The following ZBTB7C variants were observed in gnomAD, a reference collection of about 807,000 sequenced individuals.
ZBTB7C encodes the protein zinc finger and BTB domain-containing protein 7C.
ZBTB7C carries 8 observed loss-of-function variants against 25.7 expected under a neutral mutation model. The observed-to-expected ratio is 0.31, with a 90% confidence interval of 0.18 to 0.56. The LOEUF is 0.56. ZBTB7C is among the 20% of genes least tolerant of loss of function. The probability of loss-of-function intolerance (pLI) is 0.91; values close to 1 mark genes in which losing one functional copy is unlikely to be tolerated. For missense variants in ZBTB7C, 824 were observed against 855.2 expected (o/e 0.96, Z 0.46); for synonymous variants, 394 against 369.0 (o/e 1.07, Z -0.78).
chr18:48,301,767 G>A (rs1360206431), intron 2 of ZBTB7C, among the ~76,000 whole-genome samples: 1 of 152,178 alleles, frequency 6.6e-6, no homozygotes, highest in Non-Finnish European at 1.5e-5. Context: ...TTCTTGGTGA[G>A]TCTCTACTTT....
intron 1 of ZBTB7C, among the ~76,000 whole-genome samples, chr18:48,361,689 T>C (rs1193934030): frequency 6.6e-6 from 1 of 152,102 alleles, no homozygotes; most frequent in East Asian, 1.9e-4. Context: ...TTTAAAGAAA[T>C]ATCAAGCCCA....
intron 3 of ZBTB7C, among the ~76,000 whole-genome samples, chr18:48,096,457 C>T (rs942790849): frequency 2.0e-5 from 3 of 152,206 alleles, no homozygotes; most frequent in Non-Finnish European, 4.4e-5. Flanking sequence ...TCCTGTGCTC[C>T]AGTATGACTT....
intron 3 of ZBTB7C, among the ~76,000 whole-genome samples, chr18:48,103,901 T>A (rs1421238901): frequency 6.6e-6 from 1 of 152,070 alleles, no homozygotes; most frequent in Non-Finnish European, 1.5e-5. Context: ...TATAGAGACA[T>A]AAAGTAGATT....
At chr18:48,389,923 CAGG>C (rs2047860564) in intron 1 of ZBTB7C, among the ~76,000 whole-genome samples, 1 of 152,208 alleles carries the variant, frequency 6.6e-6, no homozygotes, top group South Asian at 2.1e-4. Context: ...ATCTCCACAT[CAGG>C]AGATGTCCTA....
At chr18:48,093,882 C>T (rs776242753) in intron 3 of ZBTB7C, among the ~76,000 whole-genome samples, 33 of 150,578 alleles carry the variant, frequency 2.2e-4, no homozygotes, top group Non-Finnish European at 4.4e-4. Flanking sequence ...GGTGAAATCC[C>T]GTCTCTACTA....
chr18:48,065,392 C>A (rs1295579777), intron 3 of ZBTB7C, among the ~76,000 whole-genome samples: 4 of 152,164 alleles, frequency 2.6e-5, no homozygotes, highest in Admixed American at 2.6e-4. Context: ...GTATAGAAAC[C>A]TGTTTAACTT....
At chr18:48,406,005 A>G (rs1391652238) in intron 1 of ZBTB7C, among the ~76,000 whole-genome samples, 1 of 152,112 alleles carries the variant, frequency 6.6e-6, no homozygotes, top group Non-Finnish European at 1.5e-5. Flanking sequence ...GTTTTCTTCC[A>G]GTGGGACACA....
At chr18:48,311,874 G>A (rs1444705299) in intron 2 of ZBTB7C, among the ~76,000 whole-genome samples, 1 of 152,170 alleles carries the variant, frequency 6.6e-6, no homozygotes, top group East Asian at 1.9e-4. Context: ...TCCCCAACAA[G>A]CCTGCTTTGA....
rs1004134946 is a variant in ZBTB7C at position 48,183,453 on chromosome 18, TAAG to T, written c.-17+2478_-17+2480del. ...AGAGCCTTGAGACGATACTGTCTGT[TAAG>T]AATAAAATTCCAGTTAAAAAAGCAC... On this transcript the variant is annotated intron_variant, in intron 3 of 4. Transcript: ENST00000590800. Among the ~76,000 whole-genome samples, 10 of 152,360 alleles carry T rather than the reference TAAG, an allele frequency of 6.6e-5. 1 individual carries two copies. The highest frequency in any genetic ancestry group is 3.3e-4 in the Admixed American group (5 of 15,302).
At chr18:48,106,087 A>G (rs1159498488) in intron 3 of ZBTB7C, among the ~76,000 whole-genome samples, 2 of 152,386 alleles carry the variant, frequency 1.3e-5, no homozygotes, top group African/African-American at 4.8e-5. Context: ...CCAGGCAGGC[A>G]GAGTGCAGAC....
rs575992519 is a variant in ZBTB7C at position 48,145,227 on chromosome 18, T to G, written c.-17+40707A>C. ...CTGCTTCCTTTCTTGTTGGCATAAT[T>G]TACTGGGTAACCTAGAACTTCAATG... is the stretch of plus-strand genomic sequence containing the variant. On this transcript the variant is annotated intron_variant, in intron 3 of 4. Coordinates refer to ENST00000590800, the MANE Select transcript of ZBTB7C (RefSeq NM_001318841.2). 5.3e-5 allele frequency among the ~76,000 whole-genome samples: 8 copies of G among 152,320 alleles called. No homozygotes were observed. In the South Asian group the frequency reaches 1.7e-3, roughly 32 times the overall value.
chr18:48,392,489 A>G (rs1041416378), intron 1 of ZBTB7C, among the ~76,000 whole-genome samples: 1 of 152,178 alleles, frequency 6.6e-6, no homozygotes, highest in African/African-American at 2.4e-5. Flanking sequence ...AGGTATAATC[A>G]AGATTGCTGC....
At chr18:48,158,620 G>A (rs2040908936) in intron 3 of ZBTB7C, among the ~76,000 whole-genome samples, 1 of 152,248 alleles carries the variant, frequency 6.6e-6, no homozygotes, top group East Asian at 1.9e-4. Flanking sequence ...AATGGCTCTC[G>A]GGTGGGCCTA....
At chr18:48,144,312 T>C (rs933982163) in intron 3 of ZBTB7C, among the ~76,000 whole-genome samples, 6 of 152,150 alleles carry the variant, frequency 3.9e-5, no homozygotes, top group African/African-American at 1.4e-4. Flanking sequence ...TAGTTTTCTT[T>C]ACCATGTAAC....
At chr18:48,115,120 T>C (rs1406889667) in intron 3 of ZBTB7C, among the ~76,000 whole-genome samples, 1 of 152,184 alleles carries the variant, frequency 6.6e-6, no homozygotes, top group African/African-American at 2.4e-5. Context: ...ACCTACTTTA[T>C]CTCTATGAAT....
intron 2 of ZBTB7C, among the ~76,000 whole-genome samples, chr18:48,230,164 A>G (rs1402529450): frequency 6.6e-6 from 1 of 152,262 alleles, no homozygotes; most frequent in African/African-American, 2.4e-5. Flanking sequence ...AGGAATCAAC[A>G]TTCCTTCTTA....
At chr18:48,226,881 G>A (rs753864180) in intron 2 of ZBTB7C, among the ~76,000 whole-genome samples, 6 of 151,926 alleles carry the variant, frequency 3.9e-5, no homozygotes, top group Admixed American at 6.6e-5. Context: ...TTAGCCAGGC[G>A]TGATGGCACA....
intron 3 of ZBTB7C, among the ~76,000 whole-genome samples, chr18:48,115,574 C>T (rs1332473391): frequency 6.6e-6 from 1 of 152,184 alleles, no homozygotes; most frequent in African/African-American, 2.4e-5. Flanking sequence ...CACAAACACA[C>T]ACACACACAC....
At chr18:48,381,146 T>G (rs1443704847) in intron 1 of ZBTB7C, among the ~76,000 whole-genome samples, 1 of 152,216 alleles carries the variant, frequency 6.6e-6, no homozygotes. Context: ...TCCATGTACT[T>G]CTTCTTAGGA....
Sources: allele counts gnomAD v4.1 joint callset (sites outside exome capture counted in the v4.1 genomes callset), GRCh38; gene constraint gnomAD v4.1.1; transcripts MANE v1.5; gene names NCBI Gene and HGNC (gene_info 2026-07-23, HGNC 2026-07-21).